Variants in ADK observed in about 807,000 individuals in gnomAD.
The protein encoded by ADK is adenosine kinase.
A neutral mutation model predicts 44.7 loss-of-function variants in ADK; 24 were observed. The observed-to-expected ratio is 0.54, with a 90% confidence interval of 0.39 to 0.76. The LOEUF is 0.76. Among genes scored for constraint, ADK ranks in the 30% least tolerant of loss-of-function variants. ADK has a pLI of 0.00. For synonymous variants in ADK, 128 were observed against 142.6 expected, an observed-to-expected ratio of 0.90 and a Z score of 0.73; for missense variants, 321 against 425.1, an observed-to-expected ratio of 0.76 and a Z score of 2.15.
chr10:74,514,762 GT>G (rs940582828), intron 6 of ADK, among the ~76,000 whole-genome samples: 1 of 151,828 alleles, frequency 6.6e-6, no homozygotes, highest in African/African-American at 2.4e-5. Context: ...TTTCCTTATA[GT>G]TTGGAGTCTG....
chr10:74,274,738 A>ATG (rs1564628359), intron 3 of ADK, among the ~76,000 whole-genome samples: 1 of 126,604 alleles, frequency 7.9e-6, no homozygotes, highest in East Asian at 2.1e-4. Context: ...GTGTGTATAT[A>ATG]TATATATATA....
At chr10:74,519,961 T>A (rs1307247701) in intron 6 of ADK, among the ~76,000 whole-genome samples, 1 of 151,988 alleles carries the variant, frequency 6.6e-6, no homozygotes, top group Non-Finnish European at 1.5e-5. Context: ...AGCTTCAAAG[T>A]TTTTCCCACT....
chr10:74,630,359 G>T (rs1183574372), intron 9 of ADK, among the ~76,000 whole-genome samples: 1 of 151,110 alleles, frequency 6.6e-6, no homozygotes, highest in Non-Finnish European at 1.5e-5. Flanking sequence ...TACAATCTAG[G>T]ATTCTACTCT....
intron 10 of ADK, among the ~76,000 whole-genome samples, chr10:74,706,917 T>G (rs1228324488): frequency 6.6e-6 from 1 of 152,158 alleles, no homozygotes; most frequent in African/African-American, 2.4e-5. Context: ...CAGCATTGTT[T>G]TGTCATTTTC....
intron 9 of ADK, among the ~76,000 whole-genome samples, chr10:74,601,331 A>G (rs904555172): frequency 6.6e-6 from 1 of 152,190 alleles, no homozygotes; most frequent in African/African-American, 2.4e-5. Flanking sequence ...TGAATTAAAT[A>G]TAAAGCCTGA....
At chr10:74,185,965 A>G (rs1025885146) in intron 1 of ADK, among the ~76,000 whole-genome samples, 30 of 151,058 alleles carry the variant, frequency 2.0e-4, no homozygotes, top group African/African-American at 7.0e-4. Context: ...CTTCTGCCTC[A>G]GCCCCCTGAG....
chr10:74,618,005 G>A (rs1564821667), intron 9 of ADK, among the ~76,000 whole-genome samples: 1 of 152,074 alleles, frequency 6.6e-6, no homozygotes, highest in East Asian at 1.9e-4. Context: ...AATCTCTAAT[G>A]ATGCATCTTG....
intron 4 of ADK, among the ~76,000 whole-genome samples, chr10:74,360,924 T>C: frequency 6.6e-6 from 1 of 152,212 alleles, no homozygotes; most frequent in East Asian, 1.9e-4. Context: ...TGGGTTTTAT[T>C]TGAGATGGAG....
At chr10:74,664,804 T>G (rs1854887260) in intron 9 of ADK, among the ~76,000 whole-genome samples, 1 of 152,060 alleles carries the variant, frequency 6.6e-6, no homozygotes, top group Non-Finnish European at 1.5e-5. Flanking sequence ...ATCGCACCAC[T>G]GCACTCCAGC....
At chr10:74,291,241 C>T (rs2132480241) in intron 3 of ADK, among the ~76,000 whole-genome samples, 1 of 152,122 alleles carries the variant, frequency 6.6e-6, no homozygotes, top group African/African-American at 2.4e-5. Flanking sequence ...ACGGTGAAAC[C>T]CTGTCTCTAA....
intron 7 of ADK, among the ~76,000 whole-genome samples, chr10:74,578,431 C>T (rs554135524): frequency 1.3e-5 from 2 of 152,148 alleles, no homozygotes; most frequent in South Asian, 4.2e-4. Context: ...CCATGTCCAG[C>T]CTAGCAAACA....
intron 7 of ADK, among the ~76,000 whole-genome samples, chr10:74,554,275 A>G (rs1237465771): frequency 1.3e-5 from 2 of 152,162 alleles, no homozygotes; most frequent in Admixed American, 6.6e-5. Flanking sequence ...TACAAAGTAT[A>G]TCCTCTGCCT....
intron 6 of ADK, among the ~76,000 whole-genome samples, chr10:74,405,670 T>G (rs997785585): frequency 6.6e-6 from 1 of 152,106 alleles, no homozygotes; most frequent in African/African-American, 2.4e-5. Context: ...TGCCTGATGA[T>G]CTGAGGTGCA....
At chr10:74,351,005 A>G (rs1412289348) in intron 4 of ADK, among the ~76,000 whole-genome samples, 5 of 152,330 alleles carry the variant, frequency 3.3e-5, no homozygotes, top group Admixed American at 3.3e-4. Flanking sequence ...AGGTTCAAAG[A>G]GGAGCTGGTA....
At chr10:74,153,449 C>G (rs1475954216) in intron 1 of ADK, among the ~76,000 whole-genome samples, 4 of 152,198 alleles carry the variant, frequency 2.6e-5, no homozygotes, top group African/African-American at 9.7e-5. Context: ...TCTGACAAGA[C>G]TAGTCTGCCT....
intron 7 of ADK, among the ~76,000 whole-genome samples, chr10:74,575,750 G>GT (rs926742894): frequency 1.8e-4 from 27 of 152,254 alleles, no homozygotes; most frequent in African/African-American, 6.5e-4. Context: ...GCAGTAGTTA[G>GT]TTTTTTCAAG....
intron 2 of ADK, among the ~76,000 whole-genome samples, chr10:74,217,778 C>T (rs1026199600): frequency 2.0e-5 from 3 of 152,152 alleles, no homozygotes; most frequent in African/African-American, 4.8e-5. Context: ...GAGTGGACCT[C>T]TAGCAAACTC....
chr10:74,663,713 A>G (rs1854838531), intron 9 of ADK, among the ~76,000 whole-genome samples: 1 of 152,212 alleles, frequency 6.6e-6, no homozygotes, highest in Non-Finnish European at 1.5e-5. Context: ...CCAAATAAAA[A>G]GACTTTCTGC....
At chr10:74,387,825 G>C (rs1843194572) in intron 4 of ADK, among the ~76,000 whole-genome samples, 1 of 152,182 alleles carries the variant, frequency 6.6e-6, no homozygotes, top group African/African-American at 2.4e-5. Flanking sequence ...TTTGTATAAA[G>C]GTGATACAAA....
Sources: gnomAD v4.1 joint callset for allele counts (sites outside exome capture counted in the v4.1 genomes callset) on GRCh38, gnomAD v4.1.1 for gene constraint, MANE v1.5 for transcripts, NCBI Gene and HGNC (gene_info 2026-07-23, HGNC 2026-07-21) for gene names.